TECPR1: variants seen among roughly 807,000 people sequenced by gnomAD.
The protein encoded by TECPR1 is tectonin beta-propeller repeat containing 1.
Under a neutral mutation model 162.4 loss-of-function variants are expected in TECPR1, and 122 were observed. The observed-to-expected ratio is 0.75, with a 90% confidence interval of 0.65 to 0.87. TECPR1 has a LOEUF of 0.87. TECPR1 is among the 40% of genes least tolerant of loss of function. TECPR1 has a pLI of 0.00. For missense variants in TECPR1, 1,432 were observed against 1,618.2 expected (o/e 0.88, Z 1.97); for synonymous variants, 642 against 670.6 (o/e 0.96, Z 0.66).
chr7:98,222,787 G>T (rs544506589), intron 21 of TECPR1: 20 of 811,848 alleles, frequency 2.5e-5, no homozygotes, highest in Admixed American at 1.2e-4. Flanking sequence ...CCAAAGAGCC[G>T]CAGTGTCCCC....
At position 98,217,498 on chromosome 7, in the gene TECPR1, G is replaced by C; in HGVS notation, c.3390C>G (p.Gly1130=). The change falls in exon 26 of 26, where the codon GGC becomes GGG. Residue 1130 remains glycine, a synonymous_variant. Coordinates refer to ENST00000447648, the MANE Select transcript of TECPR1 (RefSeq NM_015395.3). ...TGGCCCGGACAGAGATATGGTCCCA[G>C]CCTCCCTGGAAGGAGAGAGCTGTGT... ...GHGWDYGIGG[G]WDHISVRANA... is the part of the protein sequence containing the mutation. The C allele has an allele frequency of 6.2e-7, 1 of 1,603,576 alleles. No homozygotes were observed. The highest frequency in any genetic ancestry group is 8.5e-7 in the Non-Finnish European group (1 of 1,175,816).
At chr7:98,244,471 G>T in intron 5 of TECPR1, 100 bp downstream of exon 5, 1 of 1,469,048 alleles carries the variant, frequency 6.8e-7, no homozygotes, top group Non-Finnish European at 9.1e-7. Flanking sequence ...TGGGCGTGGT[G>T]TCCCCTGGTG....
intron 24 of TECPR1, 42 bp downstream of exon 24, chr7:98,217,894 C>A: frequency 6.5e-7 from 1 of 1,546,488 alleles, no homozygotes; most frequent in Non-Finnish European, 8.7e-7. Context: ...AGAGAGGGAA[C>A]CAGAGCACCC....
intron 22 of TECPR1, 115 bp downstream of exon 22, chr7:98,222,271 C>T (rs1432642082): frequency 1.8e-5 from 25 of 1,412,594 alleles, no homozygotes; most frequent in Non-Finnish European, 1.5e-5. Flanking sequence ...GGGGGACTCC[C>T]ACTTCTGGGG....
chr7:98,240,694 C>T (rs1348121845), intron 8 of TECPR1, among the ~76,000 whole-genome samples, 157 bp downstream of exon 8: 1 of 151,950 alleles, frequency 6.6e-6, no homozygotes, highest in East Asian at 1.9e-4. Context: ...GGATTACAGA[C>T]GTGAGCCACT....
chr7:98,241,287 C>A lies in TECPR1; in HGVS notation c.658-43G>T. 6.2e-7 allele frequency: 1 copy of A among 1,607,010 alleles called. No individual in the cohort carries two copies. Among genetic ancestry groups the A allele is most frequent in the South Asian group, 1.1e-5 (1 of 90,518 alleles). ...GACACAGCACCTGCATCAACTCATT[C>A]ACACCAGCCAAGCACGGGGGTCTCG... On this transcript the variant is annotated intron_variant, in intron 6 of 25. Transcript: ENST00000447648. This position sits in a 1 kb window ranked among gnomAD's most constrained non-coding sequence, Gnocchi z 5.0.
In TECPR1 at chr7:98,245,702, G is replaced by A. The variant is rs946305574; in HGVS notation, c.225+220C>T. On this transcript the variant is annotated intron_variant, in intron 3 of 25. Transcript: ENST00000447648. The stretch of plus-strand genomic sequence containing the variant: ...ATGCCTAGGCTGGTCTCAAACTCCT[G>A]AGCTCAAGCGATCTGCCCGCCACAG... 1.7e-3 allele frequency among the ~76,000 whole-genome samples: 255 copies of A among 152,116 alleles called. 1 individual carries two copies. Among genetic ancestry groups the A allele is most frequent in the Non-Finnish European group, 8.1e-4 (55 of 68,028 alleles).
chr7:98,231,972 G>T lies in TECPR1; in HGVS notation c.1819-13C>A. ...TCACCCACACCGACTGCGCAGGCCG[G>T]GGCAGTGGACACCATCACAGGCAGG... On this transcript the variant is annotated splice_polypyrimidine_tract_variant and intron_variant, in intron 12 of 25. Coordinates refer to ENST00000447648, the MANE Select transcript of TECPR1 (RefSeq NM_015395.3). The T allele has an allele frequency of 6.3e-6, 10 of 1,592,724 alleles. No individual in the cohort carries two copies. The highest frequency in any genetic ancestry group is 8.5e-6 in the Non-Finnish European group (10 of 1,174,210).
chr7:98,249,357 C>T (rs577538983), intron 2 of TECPR1, among the ~76,000 whole-genome samples: 7 of 152,200 alleles, frequency 4.6e-5, no homozygotes, highest in African/African-American at 9.6e-5. Flanking sequence ...GGAGGAAGCC[C>T]GGGGAGTAAG....
chr7:98,224,954 G>C, intron 18 of TECPR1, 52 bp downstream of exon 18: 1 of 1,539,148 alleles, frequency 6.5e-7, no homozygotes, highest in Non-Finnish European at 8.8e-7. Context: ...GGAGGGGCAA[G>C]GAGGGGTGGG....
At position 98,224,337 on chromosome 7, in the gene TECPR1, G is replaced by A. The variant is rs533088293; in HGVS notation, c.2690+464C>T. 4.9e-4 allele frequency among the ~76,000 whole-genome samples: 75 copies of A among 152,290 alleles called. 1 individual carries two copies. The highest frequency in any genetic ancestry group is 1.8e-3 in the African/African-American group (73 of 41,580). ...CTCGTGACAGCCACTGCATCTCTCC[G>A]AGGGGCTCACACTGCCCCTTCACCT... On this transcript the variant is annotated intron_variant, in intron 19 of 25. Coordinates refer to ENST00000447648, the MANE Select transcript of TECPR1 (RefSeq NM_015395.3).
At position 98,231,868 on chromosome 7, in the gene TECPR1, G is replaced by A. The variant is rs373412482; in HGVS notation, c.1910C>T (p.Thr637Met). Residue 637 changes from threonine to methionine, a missense_variant, in exon 13 of 26, where the codon ACG (threonine) becomes ATG (methionine). Coordinates refer to ENST00000447648, the MANE Select transcript of TECPR1 (RefSeq NM_015395.3). Reference sequence around the variant, plus strand: ...GCTGTCCCGGACGCCGTCGTGCCCCGTGAACTGCTCCAGGGCCAAGCGCAC... The same window carrying A: ...GCTGTCCCGGACGCCGTCGTGCCCCATGAACTGCTCCAGGGCCAAGCGCAC... The part of the protein sequence containing the change: ...VDVRLALEQF[T>M]GHDGVRDSIL... 3.5e-5 allele frequency: 56 copies of A among 1,612,482 alleles called. No homozygotes were observed. Among genetic ancestry groups the A allele is most frequent in the African/African-American group, 5.3e-5 (4 of 74,870 alleles).
At position 98,235,849 on chromosome 7, in the gene TECPR1, A is replaced by AAAAACAAAAAAAAAAAAAAACAAC; in HGVS notation, c.1181+926_1181+927insGTTGTTTTTTTTTTTTTTTGTTTT. Among the ~76,000 whole-genome samples the AAAAACAAAAAAAAAAAAAAACAAC allele has an allele frequency of 2.3e-4, 25 of 110,246 alleles. 3 individuals are homozygous for AAAAACAAAAAAAAAAAAAAACAAC. Among genetic ancestry groups the AAAAACAAAAAAAAAAAAAAACAAC allele is most frequent in the Non-Finnish European group, 2.3e-4 (11 of 48,564 alleles). 72.3% of individuals were successfully genotyped at this position (110,246 alleles called of 152,430 possible). A position where few individuals can be genotyped will look rare whatever the true frequency, so the allele number is the denominator to read the frequency against. On this transcript the variant is annotated intron_variant, in intron 10 of 25. Transcript: ENST00000447648. ...TCTCAAAAAAAAAAAAAAAAAAAAA[A>AAAAACAAAAAAAAAAAAAAACAAC]AACACCATCTGAGCAGACTAAACCC...
At position 98,233,764 on chromosome 7, in the gene TECPR1, G is replaced by A; in HGVS notation, c.1329C>T (p.Asn443=). The part of the protein sequence containing the change: ...PLDDSKNATG[N]SASGLGAGRT... ...TGCCAGCCCCCAGGCCTGAGGCTGA[G>A]TTCCCTGTGGCATTCTTGGAATCGT... The change falls in exon 11 of 26, where the codon AAC becomes AAT. Residue 443 remains asparagine, a synonymous_variant. Transcript: ENST00000447648. 2 of 1,612,622 alleles carry A rather than the reference G, an allele frequency of 1.2e-6. No individual in the cohort carries two copies. Among genetic ancestry groups the A allele is most frequent in the Non-Finnish European group, 1.7e-6 (2 of 1,179,762 alleles).
chr7:98,222,636 A>T, intron 21 of TECPR1, 115 bp from the exon 22 acceptor site: 1 of 1,301,718 alleles, frequency 7.7e-7, no homozygotes, highest in Non-Finnish European at 1.0e-6. Flanking sequence ...GCTGGGGGAC[A>T]GCCGGGAGTC....
Position 98,222,487 on chromosome 7 carries a change from G to A in TECPR1, c.2963C>T (p.Pro988Leu). ...GGCCCCGATGGAGATGGAGGCGAAG[G>A]GCTGGTCGGTGCCAACGTGCAGCCA... ...SSWLHVGTDQ[P>L]FASISIGACY... The change falls in exon 22 of 26, where the codon CCC becomes CTC. Residue 988 changes from proline (P) to leucine (L), a missense_variant. Transcript: ENST00000447648. The A allele has an allele frequency of 6.3e-7, 1 of 1,592,648 alleles. No individual in the cohort carries two copies.
chr7:98,221,650 G>A lies in TECPR1; in HGVS notation c.3157+11C>T, dbSNP rs748837230. On this transcript the variant is annotated intron_variant, in intron 23 of 25. Coordinates refer to ENST00000447648, the MANE Select transcript of TECPR1 (RefSeq NM_015395.3). ...CCAAAACATTAAAAATTTAAAAAAAGAGCAACTTGCCATTCTCATCCAGGG... is the reference window on the plus strand; with the variant it reads ...CCAAAACATTAAAAATTTAAAAAAAAAGCAACTTGCCATTCTCATCCAGGG... The A allele has an allele frequency of 2.5e-6, 4 of 1,612,254 alleles. No homozygotes were observed. Among genetic ancestry groups the A allele is most frequent in the Non-Finnish European group, 3.4e-6 (4 of 1,179,236 alleles).
chr7:98,245,756 G>A (rs776408973), intron 3 of TECPR1, among the ~76,000 whole-genome samples, 166 bp downstream of exon 3: 4 of 152,184 alleles, frequency 2.6e-5, no homozygotes, highest in Non-Finnish European at 5.9e-5. Context: ...TTACAGGCGT[G>A]AGTCACCACG....
At position 98,214,830 on chromosome 7, in the gene TECPR1, A is replaced by ACTGG. The variant is rs1410774211; in HGVS notation, c.*2556_*2559dup. 2 of 152,382 alleles carry ACTGG rather than the reference A, an allele frequency of 1.3e-5. No homozygotes were observed. Among genetic ancestry groups the ACTGG allele is most frequent in the Non-Finnish European group, 2.9e-5 (2 of 68,236 alleles). 9.4% of individuals were successfully genotyped at this position (152,382 alleles called of 1,614,324 possible). A position where few individuals can be genotyped will look rare whatever the true frequency, so the allele number is the denominator to read the frequency against. The stretch of plus-strand genomic sequence containing the variant: ...CAGTGGCTCTTTCTTTCTGCCCTGA[A>ACTGG]CTGGCACCTGCACCTCCTCTGCTTC... On this transcript the variant is annotated 3_prime_UTR_variant, in exon 26 of 26. Coordinates refer to ENST00000447648, the MANE Select transcript of TECPR1 (RefSeq NM_015395.3).
Sources: allele counts gnomAD v4.1 joint callset (sites outside exome capture counted in the v4.1 genomes callset), GRCh38; gene constraint gnomAD v4.1.1; non-coding constraint Gnocchi (gnomAD v3.1); transcripts MANE v1.5; gene names NCBI Gene and HGNC (gene_info 2026-07-23, HGNC 2026-07-21).